The following SH3D19 variants were observed in gnomAD, a reference collection of about 807,000 sequenced individuals.
The protein encoded by SH3D19 is SH3 domain-containing protein 19.
A neutral mutation model predicts 112.1 loss-of-function variants in SH3D19; 58 were observed. That is an observed-to-expected ratio of 0.52 (90% CI 0.42 to 0.64). The LOEUF (loss-of-function observed/expected upper bound fraction) is 0.64, where lower values mean the gene tolerates loss of function less well. SH3D19 is among the 30% of genes least tolerant of loss of function. The pLI is 0.00. For missense variants in SH3D19, 1,090 were observed against 1,263.4 expected (o/e 0.86, Z 2.08); for synonymous variants, 391 against 448.5 (o/e 0.87, Z 1.62).
At chr4:151,214,873 A>G (rs546379756) in intron 2 of SH3D19, among the ~76,000 whole-genome samples, 1 of 139,866 alleles carries the variant, frequency 7.1e-6, no homozygotes, top group Admixed American at 7.0e-5. Context: ...CACTTCCCAG[A>G]CGGGGTGGCT....
chr4:151,270,467 C>T (rs1044897962), intron 1 of SH3D19, among the ~76,000 whole-genome samples: 2 of 152,194 alleles, frequency 1.3e-5, no homozygotes, highest in Non-Finnish European at 2.9e-5. Context: ...TGCCGCTATG[C>T]CTCCTGTGCA....
intron 2 of SH3D19, among the ~76,000 whole-genome samples, chr4:151,212,516 C>T (rs1561351864): frequency 6.6e-6 from 1 of 152,168 alleles, no homozygotes; most frequent in African/African-American, 2.4e-5. Flanking sequence ...AGTGGAACAA[C>T]AAAGCCTAGA....
chr4:151,208,778 C>A (rs936662206), intron 2 of SH3D19, among the ~76,000 whole-genome samples: 3 of 151,782 alleles, frequency 2.0e-5, no homozygotes, highest in Admixed American at 2.0e-4. Flanking sequence ...CCTGGGTTCA[C>A]GCCATTCACC....
At chr4:151,285,872 C>G (rs950687159) in intron 1 of SH3D19, among the ~76,000 whole-genome samples, 1 of 151,624 alleles carries the variant, frequency 6.6e-6, no homozygotes, top group African/African-American at 2.4e-5. Flanking sequence ...GTGGCTCTGT[C>G]TCTTAAAAAT....
intron 2 of SH3D19, among the ~76,000 whole-genome samples, chr4:151,199,959 T>C (rs1325167313): frequency 6.6e-6 from 1 of 152,290 alleles, no homozygotes; most frequent in East Asian, 1.9e-4. Context: ...GATTAGGTCA[T>C]AAGGGTAGAG....
chr4:151,138,013 G>A (rs1490399346), intron 13 of SH3D19, 151 bp from the exon 14 acceptor site: 3 of 558,320 alleles, frequency 5.4e-6, no homozygotes, highest in African/African-American at 3.9e-5. Context: ...CTTAAAAAAT[G>A]CTATTCTTTT....
intron 7 of SH3D19, among the ~76,000 whole-genome samples, chr4:151,168,399 C>CTT (rs35899876): frequency 2.2e-5 from 1 of 45,384 alleles, no homozygotes. Context: ...AGTAGCATTT[C>CTT]TTTTTTTTTT....
chr4:151,277,247 G>A, intron 1 of SH3D19: 1 of 1,482,692 alleles, frequency 6.7e-7, no homozygotes, highest in Non-Finnish European at 9.0e-7. Flanking sequence ...GTGGGGTTGA[G>A]AAGGCAGAGG....
intron 10 of SH3D19, among the ~76,000 whole-genome samples, chr4:151,148,930 T>C (rs1579787849): frequency 6.6e-6 from 1 of 151,904 alleles, no homozygotes; most frequent in East Asian, 1.9e-4. Context: ...CCCAGCTACT[T>C]GGGAGGCTGA....
At chr4:151,263,965 CTG>C (rs1271672592) in intron 1 of SH3D19, among the ~76,000 whole-genome samples, 1 of 152,192 alleles carries the variant, frequency 6.6e-6, no homozygotes, top group Non-Finnish European at 1.5e-5. Context: ...CACCACCACT[CTG>C]AGCTATTTTA....
chr4:151,255,043 A>G (rs1262041865), intron 1 of SH3D19, among the ~76,000 whole-genome samples: 4 of 141,730 alleles, frequency 2.8e-5, no homozygotes, highest in Non-Finnish European at 4.6e-5. Flanking sequence ...GGCGCCCCTC[A>G]CCTCCCGGAC....
At chr4:151,165,554 G>T in intron 8 of SH3D19, 35 bp downstream of exon 8, 1 of 1,484,012 alleles carries the variant, frequency 6.7e-7, no homozygotes, top group Non-Finnish European at 9.4e-7. Context: ...CCAGCCTCTT[G>T]AAGAAGCTAA....
chr4:151,320,678 C>A (rs1730444362), intron 1 of SH3D19, among the ~76,000 whole-genome samples: 1 of 151,544 alleles, frequency 6.6e-6, no homozygotes, highest in Non-Finnish European at 1.5e-5. Flanking sequence ...ACAAAGAACT[C>A]CAATAAATCA....
At position 151,122,224 on chromosome 4, in the gene SH3D19, G is replaced by T; in HGVS notation, c.3028-17C>A. On this transcript the variant is annotated splice_polypyrimidine_tract_variant and intron_variant, in intron 19 of 19. Coordinates refer to ENST00000604030, the MANE Select transcript of SH3D19 (RefSeq NM_001378122.1). The stretch of plus-strand genomic sequence containing the variant: ...ATCTCCAGCCTGTAAGACAAAAGGA[G>T]TTAGAATTACTGGTTTCTGTTGAGA... 7.2e-7 allele frequency: 1 copy of T among 1,389,988 alleles called. No homozygotes were observed. Among genetic ancestry groups the T allele is most frequent in the Non-Finnish European group, 1.0e-6 (1 of 978,720 alleles). 86.1% of individuals were successfully genotyped at this position (1,389,988 alleles called of 1,614,324 possible).
chr4:151,250,724 A>G (rs141910912), intron 1 of SH3D19, among the ~76,000 whole-genome samples: 26 of 152,352 alleles, frequency 1.7e-4, no homozygotes, highest in Non-Finnish European at 3.2e-4. Flanking sequence ...TTTTAATAAC[A>G]GCTATTAATT....
intron 1 of SH3D19, chr4:151,279,827 T>G: frequency 5.0e-6 from 8 of 1,613,882 alleles, no homozygotes; most frequent in Non-Finnish European, 5.9e-6. Context: ...CCAGCCGCGT[T>G]GTAGGTGGCC....
intron 1 of SH3D19, among the ~76,000 whole-genome samples, chr4:151,249,446 A>C (rs1771191609): frequency 1.3e-5 from 2 of 152,202 alleles, no homozygotes; most frequent in African/African-American, 4.8e-5. Context: ...AAATGCTATT[A>C]ACTCTAAATC....
At chr4:151,246,425 G>C (rs1393858235) in intron 1 of SH3D19, among the ~76,000 whole-genome samples, 1 of 152,188 alleles carries the variant, frequency 6.6e-6, no homozygotes, top group African/African-American at 2.4e-5. Flanking sequence ...GTGCAGGATA[G>C]AGCCATTCTT....
At chr4:151,171,656 A>G (rs1223427369) in intron 7 of SH3D19, among the ~76,000 whole-genome samples, 1 of 152,136 alleles carries the variant, frequency 6.6e-6, no homozygotes, top group African/African-American at 2.4e-5. Flanking sequence ...TCCGCCCATT[A>G]CCTGTCTCTA....
Sources: gnomAD v4.1 joint callset for allele counts (sites outside exome capture counted in the v4.1 genomes callset) on GRCh38, gnomAD v4.1.1 for gene constraint, MANE v1.5 for transcripts, NCBI Gene and HGNC (gene_info 2026-07-23, HGNC 2026-07-21) for gene names.